PTP4A2: variants seen among roughly 807,000 people sequenced by gnomAD.
PTP4A2 encodes the protein protein tyrosine phosphatase type IVA 2.
PTP4A2 carries 2 observed loss-of-function variants against 22.9 expected under a neutral mutation model. That is an observed-to-expected ratio of 0.09 (90% confidence interval 0.04 to 0.27). PTP4A2 has a LOEUF of 0.27. Ranked by LOEUF, PTP4A2 falls within the 10% of genes least tolerant of loss-of-function variation. The pLI, the probability that PTP4A2 is intolerant of heterozygous loss-of-function variation, is 1.00. For missense variants in PTP4A2, 103 were observed against 205.1 expected (o/e 0.50, Z 3.04); for synonymous variants, 68 against 69.1 (o/e 0.98, Z 0.08).
chr1:31,932,935 T>C (rs2124270269), intron 1 of PTP4A2: 1 of 152,046 alleles, frequency 6.6e-6, no homozygotes, highest in East Asian at 1.9e-4. Context: ...CAAAGGATAA[T>C]GAGAGAAAGC....
intron 3 of PTP4A2, 150 bp from the exon 4 acceptor site, chr1:31,911,976 G>A (rs1557861084): frequency 1.3e-5 from 6 of 471,788 alleles, no homozygotes; most frequent in Non-Finnish European, 3.7e-6. Context: ...GATCATTGCT[G>A]TAAAATGATC....
chr1:31,915,869 GA>G (rs776290246), intron 3 of PTP4A2, 25 bp downstream of exon 3: 1 of 1,474,706 alleles, frequency 6.8e-7, no homozygotes, highest in Non-Finnish European at 9.3e-7. Context: ...AACTTGTTTT[GA>G]AAAATTTAAA....
intron 1 of PTP4A2, among the ~76,000 whole-genome samples, chr1:31,935,957 A>G (rs1652916028): frequency 6.6e-6 from 1 of 151,780 alleles, no homozygotes; most frequent in Non-Finnish European, 1.5e-5. Context: ...ACCACGCCTA[A>G]CTTTTGTATT....
chr1:31,937,184 T>G (rs939324881), intron 1 of PTP4A2, among the ~76,000 whole-genome samples: 3 of 152,040 alleles, frequency 2.0e-5, no homozygotes, highest in Non-Finnish European at 4.4e-5. Context: ...TTGACAAATT[T>G]GAAAATTTAC....
chr1:31,910,288 T>A (rs1264241492), intron 4 of PTP4A2, 176 bp from the exon 5 acceptor site: 1 of 530,576 alleles, frequency 1.9e-6, no homozygotes, highest in East Asian at 3.1e-5. Flanking sequence ...TTCTATGATT[T>A]TTTTTTTTGG....
intron 3 of PTP4A2, chr1:31,913,893 A>C (rs1184393932): frequency 2.2e-6 from 1 of 455,256 alleles, no homozygotes; most frequent in Non-Finnish European, 4.4e-6. Flanking sequence ...TTCATAATGC[A>C]GCAAAATAAA....
intron 5 of PTP4A2, 73 bp from the exon 6 acceptor site, chr1:31,909,033 C>T (rs1356213031): frequency 1.9e-6 from 2 of 1,060,326 alleles, no homozygotes; most frequent in African/African-American, 1.6e-5. Context: ...GCATTATTTA[C>T]ATCCTAAAGC....
intron 3 of PTP4A2, chr1:31,913,976 T>C: frequency 4.6e-6 from 2 of 431,534 alleles, no homozygotes; most frequent in South Asian, 3.3e-5. Context: ...ATTTGACATG[T>C]TTACACTCAT....
At chr1:31,916,345 CAAAAAAAAAAAAAAA>C (rs1167002913) in intron 2 of PTP4A2, among the ~76,000 whole-genome samples, 50 of 35,466 alleles carry the variant, frequency 1.4e-3, no homozygotes, top group Admixed American at 1.9e-3. Context: ...ACTCCGTCTC[CAAAAAAAAAAAAAAA>C]AAAAAAAAAA....
intron 1 of PTP4A2, among the ~76,000 whole-genome samples, chr1:31,924,399 AAC>A (rs960781092): frequency 5.9e-5 from 9 of 152,330 alleles, no homozygotes; most frequent in Middle Eastern, 3.4e-3. Flanking sequence ...ACTACACATC[AAC>A]AGTTACATTT....
intron 3 of PTP4A2, among the ~76,000 whole-genome samples, chr1:31,914,844 C>T (rs1651740805): frequency 6.6e-6 from 1 of 152,198 alleles, no homozygotes; most frequent in African/African-American, 2.4e-5. Flanking sequence ...TAATTCCAAT[C>T]ACTTTGTGCT....
chr1:31,922,206 C>T (rs1261116314), intron 1 of PTP4A2, among the ~76,000 whole-genome samples: 1 of 152,158 alleles, frequency 6.6e-6, no homozygotes, highest in Non-Finnish European at 1.5e-5. Context: ...AAAAGTTGGC[C>T]GGGCGTGATG....
intron 5 of PTP4A2, 59 bp downstream of exon 5, chr1:31,909,979 T>C: frequency 7.0e-7 from 1 of 1,430,802 alleles, no homozygotes; most frequent in Non-Finnish European, 9.8e-7. Flanking sequence ...CTTCCATAAT[T>C]CCTTCCTCAT....
intron 4 of PTP4A2, chr1:31,910,407 A>C: frequency 4.1e-6 from 1 of 246,262 alleles, no homozygotes; most frequent in Non-Finnish European, 8.0e-6. Flanking sequence ...CTCCTGCCTC[A>C]GTTCCTCAAA....
At chr1:31,914,053 A>G (rs1557861892) in intron 3 of PTP4A2, 2 of 381,148 alleles carry the variant, frequency 5.2e-6, no homozygotes, top group Middle Eastern at 3.7e-4. Context: ...AATTATTACC[A>G]TGCCAAACTA....
chr1:31,934,871 G>A (rs1364667634), intron 1 of PTP4A2, among the ~76,000 whole-genome samples: 1 of 152,182 alleles, frequency 6.6e-6, no homozygotes, highest in Non-Finnish European at 1.5e-5. Flanking sequence ...CTCACAGAGG[G>A]AGTGGCCTGA....
At chr1:31,913,526 C>T (rs960052963) in intron 3 of PTP4A2, among the ~76,000 whole-genome samples, 4 of 152,132 alleles carry the variant, frequency 2.6e-5, no homozygotes, top group African/African-American at 9.7e-5. Context: ...TTTACATTCC[C>T]ACCAGCAGTG....
chr1:31,934,977 C>CAAAA (rs1157724636), intron 1 of PTP4A2, among the ~76,000 whole-genome samples: 1 of 152,164 alleles, frequency 6.6e-6, no homozygotes, highest in Non-Finnish European at 1.5e-5. Flanking sequence ...TTTCCAGCTA[C>CAAAA]AAAATCTGTT....
At chr1:31,918,362 C>A (rs1447272113) in intron 2 of PTP4A2, among the ~76,000 whole-genome samples, 1 of 152,200 alleles carries the variant, frequency 6.6e-6, no homozygotes, top group Non-Finnish European at 1.5e-5. Flanking sequence ...ACCTCTACCA[C>A]CTTTCCTTCA....
Sources: allele counts gnomAD v4.1 joint callset (sites outside exome capture counted in the v4.1 genomes callset), GRCh38; gene constraint gnomAD v4.1.1; transcripts MANE v1.5; gene names NCBI Gene and HGNC (gene_info 2026-07-23, HGNC 2026-07-21).